LMF1: variants seen among roughly 807,000 people sequenced by gnomAD.
LMF1 encodes the protein transmembrane protein 112.
In LMF1, 68 loss-of-function variants were observed where a neutral mutation model predicts 60.6. That is an observed-to-expected ratio of 1.12 (90% confidence interval 0.92 to 1.37). The LOEUF is 1.37. Among genes scored for constraint, LMF1 ranks in the 40% most tolerant of loss-of-function variants. LMF1 has a pLI of 0.00. For synonymous variants in LMF1, 418 were observed against 324.7 expected (o/e 1.29, Z -3.09); for missense variants, 948 against 767.2 (o/e 1.24, Z -2.78).
chr16:979,745 C>A, intron 1 of LMF1: 1 of 454,144 alleles, frequency 2.2e-6, no homozygotes, highest in South Asian at 1.6e-5. Flanking sequence ...ACTGTGAGCC[C>A]GAGTGGGCGA....
chr16:871,403 C>A, intron 6 of LMF1, 62 bp from the exon 7 acceptor site: 1 of 1,542,314 alleles, frequency 6.5e-7, no homozygotes, highest in Non-Finnish European at 8.8e-7. Flanking sequence ...GGGCAGCTGG[C>A]GCCTCTCTTC....
chr16:894,743 G>A (rs1432961298), intron 4 of LMF1, among the ~76,000 whole-genome samples: 2 of 152,226 alleles, frequency 1.3e-5, no homozygotes, highest in Non-Finnish European at 2.9e-5. Flanking sequence ...GTGGGAAGAG[G>A]GTGAGGGTCT....
chr16:978,320 CAT>C (rs770181361), intron 1 of LMF1, among the ~76,000 whole-genome samples: 6 of 150,038 alleles, frequency 4.0e-5, no homozygotes, highest in East Asian at 4.0e-4. Context: ...ATCCCATACA[CAT>C]ATCACACATT....
intron 1 of LMF1, among the ~76,000 whole-genome samples, chr16:969,515 G>C (rs2072995812): frequency 6.6e-6 from 1 of 152,140 alleles, no homozygotes; most frequent in Admixed American, 6.5e-5. Context: ...GCACAACCAG[G>C]CTACCAAACT....
At chr16:944,464 G>A (rs1020214458) in intron 2 of LMF1, among the ~76,000 whole-genome samples, 12 of 152,208 alleles carry the variant, frequency 7.9e-5, no homozygotes, top group African/African-American at 1.9e-4. Context: ...GCTTGGAGAC[G>A]CCTTGTGTTC....
chr16:975,943 C>T (rs762051339), upstream of LMF1: 79 of 370,334 alleles, frequency 2.1e-4, 2 homozygotes, highest in South Asian at 9.7e-4. Context: ...AAATGGGGCT[C>T]GGTGTTGGGA....
At chr16:955,164 ACGCAGTGTG>A (rs2072655155) in intron 1 of LMF1, among the ~76,000 whole-genome samples, 1 of 143,182 alleles carries the variant, frequency 7.0e-6, no homozygotes, top group Non-Finnish European at 1.5e-5. Context: ...CCTGCAGCAG[ACGCAGTGTG>A]TGCATACACA....
At position 922,536 on chromosome 16, in the gene LMF1, G is replaced by T. The variant is rs548988492; in HGVS notation, c.515-11457C>A. On this transcript the variant is annotated intron_variant, in intron 3 of 10. Coordinates refer to ENST00000262301, the MANE Select transcript of LMF1 (RefSeq NM_022773.4). ...GTGAAGAAAGTCGCCTCGGTTTTTG[G>T]GTGTGATGTGGTGTTGGTGTCGTGT... 1.3e-5 allele frequency among the ~76,000 whole-genome samples: 2 copies of T among 152,032 alleles called. 1 individual carries two copies. Among genetic ancestry groups the T allele is most frequent in the Non-Finnish European group, 2.9e-5 (2 of 67,936 alleles).
At chr16:867,542 C>A (rs2069645241) in intron 10 of LMF1, among the ~76,000 whole-genome samples, 2 of 152,172 alleles carry the variant, frequency 1.3e-5, no homozygotes, top group South Asian at 4.1e-4. Flanking sequence ...GGGGCCTGGT[C>A]CCCAGTGAGC....
At chr16:979,886 G>A (rs1489676750) in intron 1 of LMF1, 6 of 397,908 alleles carry the variant, frequency 1.5e-5, no homozygotes, top group Non-Finnish European at 2.6e-5. Context: ...TTCCGCGGGC[G>A]CCCCAGGCGA....
chr16:863,169 T>C (rs563017929), intron 10 of LMF1, among the ~76,000 whole-genome samples: 3 of 152,332 alleles, frequency 2.0e-5, no homozygotes, highest in Non-Finnish European at 4.4e-5. Flanking sequence ...TGTAGTGATA[T>C]CTCTTTTTCG....
intron 2 of LMF1, among the ~76,000 whole-genome samples, chr16:949,180 GAC>G (rs2072357048): frequency 6.8e-6 from 1 of 146,206 alleles, no homozygotes; most frequent in Non-Finnish European, 1.5e-5. Context: ...GTCAGCCAAC[GAC>G]AGAGTCAGCC....
chr16:913,014 A>C (rs1295467398), intron 3 of LMF1, among the ~76,000 whole-genome samples: 1 of 152,136 alleles, frequency 6.6e-6, no homozygotes, highest in African/African-American at 2.4e-5. Flanking sequence ...AGGCGGCAAC[A>C]CGCAGGGCCA....
At chr16:952,317 C>CAT (rs1555473466) in intron 2 of LMF1, among the ~76,000 whole-genome samples, 1 of 132,936 alleles carries the variant, frequency 7.5e-6, no homozygotes, top group African/African-American at 2.8e-5. Context: ...GACCCCCCCC[C>CAT]ACAGGTGCCC....
Position 860,178 on chromosome 16 carries a change from C to T in LMF1, c.1530-5472G>A, listed in dbSNP as rs185695521. 2.3e-3 allele frequency among the ~76,000 whole-genome samples: 339 copies of T among 149,624 alleles called. 5 individuals are homozygous for T. In the South Asian group the frequency reaches 0.033, roughly 15 times the overall value. On this transcript the variant is annotated intron_variant, in intron 10 of 10. Transcript: ENST00000262301. ...TACGTGACTTGCAAATATTTTCTGTCTGTAGCTTAAAAATTATCTTTGTTC... is the reference window on the plus strand; with the variant it reads ...TACGTGACTTGCAAATATTTTCTGTTTGTAGCTTAAAAATTATCTTTGTTC...
intron 3 of LMF1, among the ~76,000 whole-genome samples, chr16:921,979 G>A (rs1053412085): frequency 7.2e-5 from 11 of 152,152 alleles, no homozygotes; most frequent in East Asian, 3.8e-4. Context: ...AGGTCTGGGC[G>A]GAACATTAAA....
rs1295976179 is a variant in LMF1 at position 878,208 on chromosome 16, G to C, written c.897+1362C>G. ...CAGGAGCCCTGAGCAGCTGCAGAGAGAAACGTGCGGTCCTGGCTGGGGGAC... is the reference window on the plus strand; with the variant it reads ...CAGGAGCCCTGAGCAGCTGCAGAGACAAACGTGCGGTCCTGGCTGGGGGAC... On this transcript the variant is annotated intron_variant, in intron 6 of 10. Transcript: ENST00000262301. This position sits in a 1 kb window ranked among gnomAD's most constrained non-coding sequence, Gnocchi z 5.2. Among the ~76,000 whole-genome samples the C allele has an allele frequency of 6.6e-6, 1 of 152,190 alleles. No individual in the cohort carries two copies. Among genetic ancestry groups the C allele is most frequent in the Non-Finnish European group, 1.5e-5 (1 of 68,032 alleles).
intron 1 of LMF1, among the ~76,000 whole-genome samples, chr16:963,316 G>A (rs1045013243): frequency 2.0e-5 from 3 of 152,260 alleles, no homozygotes; most frequent in East Asian, 1.9e-4. Flanking sequence ...GCGGCCACAC[G>A]TGCAGGGACC....
At chr16:967,741 C>G (rs2072955246) in intron 1 of LMF1, among the ~76,000 whole-genome samples, 1 of 152,206 alleles carries the variant, frequency 6.6e-6, no homozygotes. Context: ...ACCGGGTGTC[C>G]AGGATACGCA....
Sources: allele counts gnomAD v4.1 joint callset (sites outside exome capture counted in the v4.1 genomes callset), GRCh38; gene constraint gnomAD v4.1.1; non-coding constraint Gnocchi (gnomAD v3.1); transcripts MANE v1.5; gene names NCBI Gene and HGNC (gene_info 2026-07-23, HGNC 2026-07-21).